The following SHISA6 variants were observed in gnomAD, a reference collection of about 807,000 sequenced individuals.
SHISA6 encodes shisa family member 6, also known as protein shisa-6.
Under a neutral mutation model 47.9 loss-of-function variants are expected in SHISA6, and 22 were observed. The ratio of observed to expected loss-of-function variants is 0.46; its 90% CI spans 0.33 to 0.66. The LOEUF (loss-of-function observed/expected upper bound fraction) is 0.66. SHISA6 is among the 30% of genes least tolerant of loss of function. SHISA6 has a pLI of 0.02. For synonymous variants in SHISA6, 388 were observed against 337.8 expected (o/e 1.15, Z -1.63); for missense variants, 680 against 764.6 (o/e 0.89, Z 1.30).
At chr17:11,308,034 T>C (rs1910187200) in intron 2 of SHISA6, among the ~76,000 whole-genome samples, 1 of 152,136 alleles carries the variant, frequency 6.6e-6, no homozygotes, top group Non-Finnish European at 1.5e-5. Flanking sequence ...GTTGTCCTGA[T>C]GGTCTGACTT....
At chr17:11,519,619 T>TA (rs1359592077) in intron 3 of SHISA6, among the ~76,000 whole-genome samples, 2 of 152,092 alleles carry the variant, frequency 1.3e-5, no homozygotes, top group Non-Finnish European at 2.9e-5. Flanking sequence ...GACCTGTACA[T>TA]AAAAAATGGT....
At chr17:11,498,837 A>T (rs906500679) in intron 3 of SHISA6, among the ~76,000 whole-genome samples, 4 of 152,196 alleles carry the variant, frequency 2.6e-5, no homozygotes, top group African/African-American at 9.7e-5. Flanking sequence ...CTGTATCCCC[A>T]TAACAACGAA....
chr17:11,288,071 A>G (rs1909382692), intron 2 of SHISA6: 1 of 152,190 alleles, frequency 6.6e-6, no homozygotes, highest in Admixed American at 6.5e-5. Flanking sequence ...TTTTGAAGCA[A>G]ATTCCAGATA....
intron 2 of SHISA6, among the ~76,000 whole-genome samples, chr17:11,280,815 A>C (rs1225785881): frequency 6.6e-6 from 1 of 152,248 alleles, no homozygotes; most frequent in Non-Finnish European, 1.5e-5. Context: ...GTTGAATGGC[A>C]TGAGAGCAAG....
chr17:11,499,139 G>A (rs923585646), intron 3 of SHISA6, among the ~76,000 whole-genome samples: 1 of 152,064 alleles, frequency 6.6e-6, no homozygotes, highest in African/African-American at 2.4e-5. Flanking sequence ...CTGAAAAGAA[G>A]GGCAAGGATG....
intron 3 of SHISA6, among the ~76,000 whole-genome samples, chr17:11,439,833 GGA>G (rs1258455261): frequency 6.6e-6 from 1 of 152,252 alleles, no homozygotes; most frequent in African/African-American, 2.4e-5. Context: ...AGCGCTTTGG[GGA>G]GAGAGTTTTA....
chr17:11,482,685 AAAAG>A (rs2142331725), intron 3 of SHISA6, among the ~76,000 whole-genome samples: 1 of 152,348 alleles, frequency 6.6e-6, no homozygotes, highest in Non-Finnish European at 1.5e-5. Flanking sequence ...CCTTGGAAGC[AAAAG>A]AAAGCACAAT....
At chr17:11,336,018 G>A (rs189012628) in intron 2 of SHISA6, among the ~76,000 whole-genome samples, 2 of 149,224 alleles carry the variant, frequency 1.3e-5, no homozygotes, top group Admixed American at 1.3e-4. Flanking sequence ...CTAAAACATG[G>A]TGAAACCCCG....
chr17:11,378,166 A>G (rs1045788617), intron 2 of SHISA6, among the ~76,000 whole-genome samples: 1 of 152,180 alleles, frequency 6.6e-6, no homozygotes, highest in African/African-American at 2.4e-5. Context: ...AAATTTTTCC[A>G]TTAGGCATTT....
chr17:11,464,217 A>G (rs891883958), intron 3 of SHISA6, among the ~76,000 whole-genome samples: 1 of 152,192 alleles, frequency 6.6e-6, no homozygotes, highest in Admixed American at 6.5e-5. Context: ...GCACACAGCC[A>G]TGGAAAAGAT....
At chr17:11,547,027 G>A (rs1204994024) in intron 3 of SHISA6, among the ~76,000 whole-genome samples, 1 of 152,166 alleles carries the variant, frequency 6.6e-6, no homozygotes, top group African/African-American at 2.4e-5. Flanking sequence ...TGCTTTTTGT[G>A]CTGAATAATG....
At chr17:11,417,415 A>G (rs1454976649) in intron 3 of SHISA6, among the ~76,000 whole-genome samples, 2 of 152,178 alleles carry the variant, frequency 1.3e-5, no homozygotes, top group East Asian at 1.9e-4. Flanking sequence ...CTCACTGGCA[A>G]TGCACCCTTT....
At chr17:11,397,226 A>G (rs1020746119) in intron 3 of SHISA6, among the ~76,000 whole-genome samples, 6 of 152,170 alleles carry the variant, frequency 3.9e-5, no homozygotes, top group African/African-American at 9.6e-5. Flanking sequence ...AAACTAGTTT[A>G]TCAATTTTAT....
At chr17:11,407,723 A>G (rs1443224475) in intron 3 of SHISA6, among the ~76,000 whole-genome samples, 2 of 152,110 alleles carry the variant, frequency 1.3e-5, no homozygotes, top group South Asian at 2.1e-4. Context: ...ACTCCTATTA[A>G]TGATACCACT....
At chr17:11,321,793 G>T (rs1910725695) in intron 2 of SHISA6, among the ~76,000 whole-genome samples, 1 of 152,144 alleles carries the variant, frequency 6.6e-6, no homozygotes, top group Admixed American at 6.6e-5. Context: ...CCCACAGGCT[G>T]CATGAAGCCC....
intron 3 of SHISA6, among the ~76,000 whole-genome samples, chr17:11,454,774 A>G (rs548457277): frequency 6.6e-6 from 1 of 152,238 alleles, no homozygotes; most frequent in Non-Finnish European, 1.5e-5. Flanking sequence ...TTTGTTATCT[A>G]TTTCTTTCCG....
chr17:11,341,571 G>A (rs1911530702), intron 2 of SHISA6, among the ~76,000 whole-genome samples: 1 of 152,008 alleles, frequency 6.6e-6, no homozygotes, highest in Non-Finnish European at 1.5e-5. Flanking sequence ...CTGGCCTCAA[G>A]TGATCTCCCG....
At chr17:11,351,575 T>G (rs1023173530) in intron 2 of SHISA6, among the ~76,000 whole-genome samples, 2 of 152,244 alleles carry the variant, frequency 1.3e-5, no homozygotes, top group African/African-American at 4.8e-5. Flanking sequence ...TATTTCTTAA[T>G]CATGTATTCA....
chr17:11,303,664 G>A (rs935904142), intron 2 of SHISA6, among the ~76,000 whole-genome samples: 3 of 152,180 alleles, frequency 2.0e-5, no homozygotes, highest in Non-Finnish European at 4.4e-5. Context: ...AGCATACAGA[G>A]GACAAGGGAG....
Sources: allele counts gnomAD v4.1 joint callset (sites outside exome capture counted in the v4.1 genomes callset), GRCh38; gene constraint gnomAD v4.1.1; transcripts MANE v1.5; gene names NCBI Gene and HGNC (gene_info 2026-07-23, HGNC 2026-07-21).